DAB1: variants seen among roughly 807,000 people sequenced by gnomAD.
DAB1 encodes the protein DAB adaptor protein 1, also known as disabled homolog 1.
DAB1 carries 15 observed loss-of-function variants against 64.6 expected under a neutral mutation model. The ratio of observed to expected loss-of-function variants is 0.23; its 90% CI spans 0.16 to 0.36. DAB1 has a LOEUF of 0.36. Ranked by LOEUF, DAB1 falls within the 10% of genes least tolerant of loss-of-function variation. DAB1 has a pLI of 1.00. For synonymous variants in DAB1, 235 were observed against 251.9 expected, an observed-to-expected ratio of 0.93 and a Z score of 0.64; for missense variants, 596 against 706.7, an observed-to-expected ratio of 0.84 and a Z score of 1.78.
chr1:58,016,940 C>T (rs189046699), intron 5 of DAB1, among the ~76,000 whole-genome samples: 5 of 152,142 alleles, frequency 3.3e-5, no homozygotes, highest in Admixed American at 1.3e-4. Flanking sequence ...TTACAGCGAG[C>T]GCTCTGATCT....
At position 57,943,592 on chromosome 1, in the gene DAB1, G is replaced by A. The variant is rs573618862; in HGVS notation, n.388-59430C>T. Among the ~76,000 whole-genome samples the A allele has an allele frequency of 6.6e-5, 10 of 152,270 alleles. No individual in the cohort carries two copies. In the South Asian group the frequency reaches 1.2e-3, roughly 19 times the overall value. ...ATGAGTACAGCCTATAGGAATAATAGTCATTTACCATCAGGAATATTCACC... is the reference window on the plus strand; with the variant it reads ...ATGAGTACAGCCTATAGGAATAATAATCATTTACCATCAGGAATATTCACC... On this transcript the variant is annotated intron_variant and non_coding_transcript_variant, in intron 5 of 20. Transcript: ENST00000485760.
intron 5 of DAB1, among the ~76,000 whole-genome samples, chr1:58,081,055 T>C (rs558534224): frequency 6.6e-6 from 1 of 152,266 alleles, no homozygotes; most frequent in South Asian, 2.1e-4. Flanking sequence ...TATCTTCCAA[T>C]AGGTGACCAA....
intron 3 of DAB1, among the ~76,000 whole-genome samples, chr1:57,144,264 G>T (rs1385487537): frequency 6.6e-6 from 1 of 151,824 alleles, no homozygotes; most frequent in Non-Finnish European, 1.5e-5. Flanking sequence ...TATACTTCTT[G>T]CTAAACCATT....
intron 7 of DAB1, among the ~76,000 whole-genome samples, chr1:57,455,701 G>T (rs1340358983): frequency 6.6e-6 from 1 of 151,988 alleles, no homozygotes; most frequent in Non-Finnish European, 1.5e-5. Flanking sequence ...AGCTAAATTG[G>T]GTCTAGAAGG....
intron 7 of DAB1, among the ~76,000 whole-genome samples, chr1:57,537,931 G>C (rs1570606961): frequency 6.6e-6 from 1 of 152,132 alleles, no homozygotes; most frequent in Admixed American, 6.5e-5. Context: ...CACGTGGTGG[G>C]AGAGAAGGCT....
At chr1:57,355,549 T>A (rs982948312) in intron 1 of DAB1, among the ~76,000 whole-genome samples, 1 of 151,778 alleles carries the variant, frequency 6.6e-6, no homozygotes, top group African/African-American at 2.4e-5. Flanking sequence ...AGAGTGGAGT[T>A]GGGGGTGGGG....
chr1:58,024,246 T>A (rs1056337466), intron 5 of DAB1, among the ~76,000 whole-genome samples: 1 of 152,150 alleles, frequency 6.6e-6, no homozygotes, highest in African/African-American at 2.4e-5. Context: ...TCTTTGCCAG[T>A]AATTAATATG....
At chr1:58,350,811 T>G (rs1311904662) in intron 3 of DAB1, among the ~76,000 whole-genome samples, 1 of 152,194 alleles carries the variant, frequency 6.6e-6, no homozygotes, top group Non-Finnish European at 1.5e-5. Context: ...GTTCTATTGG[T>G]CTATATAACT....
At chr1:57,457,188 GGGA>G (rs1686627521) in intron 7 of DAB1, among the ~76,000 whole-genome samples, 2 of 152,106 alleles carry the variant, frequency 1.3e-5, no homozygotes, top group African/African-American at 2.4e-5. Flanking sequence ...GCCTTGAGGA[GGGA>G]GGAGAAGAAA....
intron 3 of DAB1, among the ~76,000 whole-genome samples, chr1:58,493,157 G>A (rs936695491): frequency 4.6e-5 from 7 of 151,992 alleles, no homozygotes; most frequent in East Asian, 1.9e-4. Flanking sequence ...CAGAACCAAC[G>A]AGAAAAACCA....
At chr1:57,389,764 T>C (rs1299866468) in intron 1 of DAB1, among the ~76,000 whole-genome samples, 1 of 152,138 alleles carries the variant, frequency 6.6e-6, no homozygotes, top group Non-Finnish European at 1.5e-5. Flanking sequence ...ATGAAATGTA[T>C]CTGGCAGGTC....
chr1:58,087,647 T>C (rs866674754), intron 5 of DAB1, among the ~76,000 whole-genome samples: 71 of 152,290 alleles, frequency 4.7e-4, no homozygotes, highest in African/African-American at 1.7e-3. Flanking sequence ...CTGAGAGTAG[T>C]ATTTCTATCC....
At chr1:57,771,797 T>C (rs976528030) in intron 6 of DAB1, among the ~76,000 whole-genome samples, 2 of 152,156 alleles carry the variant, frequency 1.3e-5, no homozygotes, top group South Asian at 2.1e-4. Context: ...TCAGTCATGA[T>C]ACATTTGTTT....
intron 5 of DAB1, among the ~76,000 whole-genome samples, chr1:58,139,777 C>T (rs773101022): frequency 1.3e-5 from 2 of 152,140 alleles, no homozygotes; most frequent in Non-Finnish European, 2.9e-5. Context: ...GATGTGTGGC[C>T]TTGGGCAAAT....
chr1:57,080,399 C>T (rs148417715), intron 4 of DAB1, among the ~76,000 whole-genome samples: 42 of 152,296 alleles, frequency 2.8e-4, no homozygotes, highest in African/African-American at 6.3e-4. Context: ...ACAATTAAAA[C>T]GAGGAGGTGG....
At chr1:58,260,811 A>G (rs2100417048) in intron 4 of DAB1, among the ~76,000 whole-genome samples, 1 of 152,118 alleles carries the variant, frequency 6.6e-6, no homozygotes, top group Admixed American at 6.5e-5. Context: ...GTGGGACTCA[A>G]CCTCTGCCAT....
intron 1 of DAB1, among the ~76,000 whole-genome samples, chr1:57,300,850 A>G (rs576357364): frequency 3.3e-5 from 5 of 152,322 alleles, no homozygotes; most frequent in Admixed American, 2.6e-4. Context: ...TCCAAAATGC[A>G]TACATTGGTG....
At chr1:57,661,740 T>C (rs943306755) in intron 6 of DAB1, among the ~76,000 whole-genome samples, 1 of 152,220 alleles carries the variant, frequency 6.6e-6, no homozygotes, top group Admixed American at 6.5e-5. Context: ...CCTAATACAA[T>C]ATAAATCCTA....
chr1:58,269,932 C>A, intron 4 of DAB1, among the ~76,000 whole-genome samples: 1 of 18,416 alleles, frequency 5.4e-5, no homozygotes, highest in Admixed American at 7.0e-4. Context: ...AGCCCTTTGT[C>A]AGATGAGTAG....
Sources: allele counts gnomAD v4.1 joint callset (sites outside exome capture counted in the v4.1 genomes callset), GRCh38; gene constraint gnomAD v4.1.1; transcripts MANE v1.5; gene names NCBI Gene and HGNC (gene_info 2026-07-23, HGNC 2026-07-21).